The following GRID1 variants were observed in gnomAD, a reference collection of about 807,000 sequenced individuals.
The protein encoded by GRID1 is glutamate receptor ionotropic, delta-1.
A neutral mutation model predicts 98.0 loss-of-function variants in GRID1; 28 were observed. The ratio of observed to expected loss-of-function variants is 0.29; its 90% CI spans 0.21 to 0.39. GRID1 has a LOEUF of 0.39. Among genes scored for constraint, GRID1 ranks in the 10% least tolerant of loss-of-function variants. GRID1 has a pLI of 1.00. For synonymous variants in GRID1, 553 were observed against 538.5 expected (o/e 1.03, Z -0.37); for missense variants, 1,111 against 1,340.5 (o/e 0.83, Z 2.67).
At chr10:85,957,994 C>T (rs1405647352) in intron 4 of GRID1, among the ~76,000 whole-genome samples, 2 of 152,198 alleles carry the variant, frequency 1.3e-5, no homozygotes, top group African/African-American at 4.8e-5. Flanking sequence ...TGAAACTCCC[C>T]CTAAGGGAGT....
intron 3 of GRID1, among the ~76,000 whole-genome samples, chr10:86,152,708 TA>T (rs1845186728): frequency 6.6e-6 from 1 of 151,962 alleles, no homozygotes; most frequent in Admixed American, 6.5e-5. Context: ...TGTCTAGGGG[TA>T]GGACCACTGT....
chr10:85,953,311 G>C (rs184989663), intron 4 of GRID1, among the ~76,000 whole-genome samples: 13 of 152,094 alleles, frequency 8.5e-5, no homozygotes, highest in Non-Finnish European at 1.5e-4. Flanking sequence ...TTATAAGTGG[G>C]AGCTAAATAA....
At chr10:86,253,164 T>C (rs1846863709) in intron 2 of GRID1, among the ~76,000 whole-genome samples, 1 of 152,226 alleles carries the variant, frequency 6.6e-6, no homozygotes, top group South Asian at 2.1e-4. Flanking sequence ...ACCAGGGACA[T>C]CAGACACAGC....
At chr10:86,046,743 C>T (rs1432473505) in intron 4 of GRID1, among the ~76,000 whole-genome samples, 5 of 151,890 alleles carry the variant, frequency 3.3e-5, no homozygotes, top group Non-Finnish European at 5.9e-5. Flanking sequence ...ACCAGTTGCT[C>T]ATCTCTGGAC....
chr10:86,072,608 T>C (rs1315694452), intron 4 of GRID1, among the ~76,000 whole-genome samples: 1 of 152,352 alleles, frequency 6.6e-6, no homozygotes, highest in East Asian at 1.9e-4. Context: ...TCCAAATTAG[T>C]AAGGAGAAAA....
chr10:85,652,196 T>C (rs2132558528), intron 12 of GRID1, among the ~76,000 whole-genome samples: 1 of 152,324 alleles, frequency 6.6e-6, no homozygotes, highest in Middle Eastern at 3.4e-3. Flanking sequence ...TACCACCTCC[T>C]GTCCTCCCCA....
At chr10:85,805,147 A>G (rs1842612279) in intron 8 of GRID1, among the ~76,000 whole-genome samples, 1 of 151,450 alleles carries the variant, frequency 6.6e-6, no homozygotes, top group East Asian at 1.9e-4. Context: ...TAGAAATAAA[A>G]TTCTAGATCT....
intron 3 of GRID1, among the ~76,000 whole-genome samples, chr10:86,163,348 G>T (rs577567256): frequency 6.6e-6 from 1 of 152,196 alleles, no homozygotes; most frequent in South Asian, 2.1e-4. Flanking sequence ...AGAGCTAGGG[G>T]CTGTGGGGTG....
intron 2 of GRID1, among the ~76,000 whole-genome samples, chr10:86,295,638 T>C (rs1381039481): frequency 6.6e-6 from 1 of 152,092 alleles, no homozygotes; most frequent in Non-Finnish European, 1.5e-5. Context: ...AAACGCGATA[T>C]GACGGCCAAA....
chr10:86,274,122 T>C (rs1847229815), intron 2 of GRID1, among the ~76,000 whole-genome samples: 1 of 152,214 alleles, frequency 6.6e-6, no homozygotes, highest in Admixed American at 6.5e-5. Context: ...GTTTCAGCTT[T>C]CTACATATGG....
At chr10:86,029,693 G>A (rs553625849) in intron 4 of GRID1, among the ~76,000 whole-genome samples, 1 of 151,922 alleles carries the variant, frequency 6.6e-6, no homozygotes, top group East Asian at 1.9e-4. Context: ...TTATTCTTGT[G>A]AATCTAGTGG....
At chr10:86,056,419 G>A (rs1004141619) in intron 4 of GRID1, among the ~76,000 whole-genome samples, 3 of 152,180 alleles carry the variant, frequency 2.0e-5, no homozygotes, top group African/African-American at 7.2e-5. Context: ...TAAGAACAAG[G>A]AAGAATTGTC....
At chr10:85,777,966 G>C (rs548881143) in intron 8 of GRID1, among the ~76,000 whole-genome samples, 11 of 152,164 alleles carry the variant, frequency 7.2e-5, no homozygotes, top group Non-Finnish European at 1.5e-4. Flanking sequence ...TCTGTACATG[G>C]TCTATCATCT....
intron 4 of GRID1, among the ~76,000 whole-genome samples, chr10:86,075,417 A>G (rs1589362424): frequency 6.6e-6 from 1 of 151,242 alleles, no homozygotes; most frequent in East Asian, 2.0e-4. Context: ...AGGAAGGCCA[A>G]AGGTTGAGCA....
chr10:85,830,275 G>T (rs1280522011), intron 8 of GRID1, among the ~76,000 whole-genome samples: 1 of 152,050 alleles, frequency 6.6e-6, no homozygotes, highest in East Asian at 1.9e-4. Flanking sequence ...ACTGAAACTG[G>T]ACCCCTTCCT....
chr10:86,278,358 A>G (rs989350899), intron 2 of GRID1, among the ~76,000 whole-genome samples: 24 of 152,178 alleles, frequency 1.6e-4, no homozygotes, highest in African/African-American at 5.8e-4. Flanking sequence ...CTGGGTTTCT[A>G]CTTTAAGAAT....
intron 2 of GRID1, among the ~76,000 whole-genome samples, chr10:86,263,977 C>T (rs376038059): frequency 1.3e-5 from 2 of 152,194 alleles, no homozygotes; most frequent in African/African-American, 4.8e-5. Context: ...AGGGACTTGT[C>T]CAGGAGCCTC....
chr10:86,014,955 T>C (rs186931531), intron 4 of GRID1, among the ~76,000 whole-genome samples: 1 of 152,360 alleles, frequency 6.6e-6, no homozygotes, highest in East Asian at 1.9e-4. Context: ...TCTTGAGTTA[T>C]TCAGATACTT....
intron 4 of GRID1, among the ~76,000 whole-genome samples, chr10:85,968,870 G>A (rs747107165): frequency 3.3e-5 from 5 of 152,100 alleles, no homozygotes; most frequent in Non-Finnish European, 5.9e-5. Context: ...AAATGTAAAT[G>A]AATTAAATAC....
Sources: gnomAD v4.1 joint callset for allele counts (sites outside exome capture counted in the v4.1 genomes callset) on GRCh38, gnomAD v4.1.1 for gene constraint, MANE v1.5 for transcripts, NCBI Gene and HGNC (gene_info 2026-07-23, HGNC 2026-07-21) for gene names.